The following MEGF11 variants were observed in gnomAD, a reference collection of about 807,000 sequenced individuals.
MEGF11 encodes the protein multiple epidermal growth factor-like domains protein 11.
A neutral mutation model predicts 146.6 loss-of-function variants in MEGF11; 126 were observed. The ratio of observed to expected loss-of-function variants is 0.86; its 90% CI spans 0.74 to 1.00. The LOEUF (loss-of-function observed/expected upper bound fraction) is 1.00. Ranked by LOEUF, MEGF11 falls within the 50% of genes least tolerant of loss-of-function variation. The pLI is 0.00. For synonymous variants in MEGF11, 532 were observed against 583.4 expected (o/e 0.91, Z 1.27); for missense variants, 1,509 against 1,521.2 (o/e 0.99, Z 0.13).
At chr15:66,013,117 G>T (rs1156660480) in intron 5 of MEGF11, among the ~76,000 whole-genome samples, 1 of 152,246 alleles carries the variant, frequency 6.6e-6, no homozygotes, top group African/African-American at 2.4e-5. Flanking sequence ...CCCAGGTGGG[G>T]CTGGAACTCA....
At chr15:66,127,961 C>G (rs2088452061) in intron 2 of MEGF11, among the ~76,000 whole-genome samples, 1 of 152,226 alleles carries the variant, frequency 6.6e-6, no homozygotes, top group South Asian at 2.1e-4. Flanking sequence ...CACCTGGGAC[C>G]AAAGTCCGCA....
chr15:65,973,609 C>T (rs920114836), intron 7 of MEGF11, among the ~76,000 whole-genome samples: 8 of 152,192 alleles, frequency 5.3e-5, no homozygotes, highest in South Asian at 2.1e-4. Context: ...CCAGCCTGGG[C>T]GACACAGCCA....
intron 5 of MEGF11, among the ~76,000 whole-genome samples, chr15:66,061,641 C>CCT (rs10646787): frequency 9.8e-5 from 14 of 143,306 alleles, no homozygotes; most frequent in African/African-American, 3.3e-4. Context: ...TTTTTTGAGC[C>CCT]TTTTTTTTTT....
chr15:66,123,073 G>A (rs573446518), intron 3 of MEGF11, among the ~76,000 whole-genome samples: 3 of 152,138 alleles, frequency 2.0e-5, no homozygotes, highest in East Asian at 1.9e-4. Flanking sequence ...GTGAGCCACC[G>A]TGCCTGGCCA....
intron 1 of MEGF11, among the ~76,000 whole-genome samples, chr15:66,211,385 A>T (rs552875488): frequency 6.6e-6 from 1 of 152,042 alleles, no homozygotes; most frequent in Admixed American, 6.5e-5. Flanking sequence ...TTAGCCGAGC[A>T]TGGTGGCAGG....
rs71139462 is a variant in MEGF11, at chr15:66,082,672, CAAAAAA to C, written c.394+11724_394+11729del. On this transcript the variant is annotated intron_variant, in intron 5 of 25. Transcript: ENST00000395614. ...AGCAAGATGGAGCAAGACTCTGTCT[CAAAAAA>C]AAAAAAAAAAAAGGGCGGTGCGGAG... is the stretch of plus-strand genomic sequence containing the variant. Among the ~76,000 whole-genome samples, 4 of 39,144 alleles carry C rather than the reference CAAAAAA, an allele frequency of 1.0e-4. 1 individual carries two copies. Among genetic ancestry groups the C allele is most frequent in the East Asian group, 1.9e-3 (2 of 1,032 alleles). The allele number at this position is 39,144 out of a possible 152,430, so 25.7% of individuals were successfully genotyped here.
At chr15:66,067,414 TC>T (rs1463236862) in intron 5 of MEGF11, among the ~76,000 whole-genome samples, 1 of 152,216 alleles carries the variant, frequency 6.6e-6, no homozygotes, top group Non-Finnish European at 1.5e-5. Context: ...CATTACTGTT[TC>T]CACTTTACAG....
chr15:66,005,326 C>G (rs953820230), intron 5 of MEGF11, among the ~76,000 whole-genome samples: 2 of 152,148 alleles, frequency 1.3e-5, no homozygotes, highest in African/African-American at 4.8e-5. Flanking sequence ...CTTTGTGACC[C>G]AGAGCAAATC....
intron 5 of MEGF11, chr15:66,040,095 G>A (rs1252436329): frequency 6.5e-6 from 1 of 154,960 alleles, no homozygotes; most frequent in African/African-American, 2.4e-5. Context: ...GATGTTCGCT[G>A]GGGTTTAAGA....
intron 1 of MEGF11, among the ~76,000 whole-genome samples, chr15:66,215,219 C>T (rs1352964228): frequency 6.6e-6 from 1 of 152,156 alleles, no homozygotes; most frequent in East Asian, 1.9e-4. Flanking sequence ...TACCTTCCCT[C>T]AGCCATCGCT....
intron 7 of MEGF11, among the ~76,000 whole-genome samples, chr15:65,979,778 G>A (rs2081570674): frequency 1.3e-5 from 2 of 152,212 alleles, no homozygotes; most frequent in South Asian, 4.1e-4. Context: ...CCTCACATGA[G>A]CCAGCCTCCA....
chr15:66,031,472 T>C (rs1472356411), intron 5 of MEGF11, among the ~76,000 whole-genome samples: 1 of 152,194 alleles, frequency 6.6e-6, no homozygotes, highest in African/African-American at 2.4e-5. Flanking sequence ...GCTGGGGTTC[T>C]ACCTCAATCC....
At chr15:66,225,439 G>A (rs1248674930) in intron 1 of MEGF11, among the ~76,000 whole-genome samples, 1 of 152,248 alleles carries the variant, frequency 6.6e-6, no homozygotes, top group African/African-American at 2.4e-5. Context: ...TGAGGAGCGG[G>A]GAGACCAGCG....
At chr15:66,229,568 A>G (rs768369562) in intron 1 of MEGF11, among the ~76,000 whole-genome samples, 3 of 152,236 alleles carry the variant, frequency 2.0e-5, no homozygotes, top group South Asian at 2.1e-4. Flanking sequence ...CCTACAAGTT[A>G]CAATCTGGGA....
At chr15:66,250,848 C>T (rs542307947) in intron 1 of MEGF11, among the ~76,000 whole-genome samples, 27 of 150,128 alleles carry the variant, frequency 1.8e-4, no homozygotes, top group African/African-American at 5.9e-4. Flanking sequence ...CGGAGGTTGC[C>T]GTGAGCCAAG....
At chr15:65,930,270 T>G (rs921065555) in intron 11 of MEGF11, among the ~76,000 whole-genome samples, 2 of 152,082 alleles carry the variant, frequency 1.3e-5, no homozygotes, top group African/African-American at 4.8e-5. Context: ...ACACCATTTC[T>G]CCCCTTCCCT....
intron 9 of MEGF11, among the ~76,000 whole-genome samples, chr15:65,957,941 T>TGAAGTCAACAGCAAGGA (rs1411163663): frequency 6.6e-6 from 1 of 152,188 alleles, no homozygotes; most frequent in Non-Finnish European, 1.5e-5. Flanking sequence ...ATAACTACCC[T>TGAAGTCAACAGCAAGGA]GAAGTCAACA....
Position 65,909,128 on chromosome 15 carries a change from A to T in MEGF11, c.2904T>A (p.His968Gln). The T allele has an allele frequency of 6.5e-7, 1 of 1,532,392 alleles. No homozygotes were observed. Among genetic ancestry groups the T allele is most frequent in the Non-Finnish European group, 8.7e-7 (1 of 1,143,638 alleles). 94.9% of individuals were successfully genotyped at this position (1,532,392 alleles called of 1,614,324 possible). Residue 968 changes from histidine (H) to glutamine (Q), a missense_variant, in exon 23 of 26, where the codon CAT (histidine) becomes CAA (glutamine). Transcript: ENST00000395614. ...TGGCCTCCAGGGCACTGATCTGGAA[A>T]TGGGAGTCTAGTGAGAGGAATGACA... is the stretch of plus-strand genomic sequence containing the variant. Reference protein sequence around the residue: ...PYSYVNVLDSHFQISALEARY... With the variant: ...PYSYVNVLDSQFQISALEARY...
intron 5 of MEGF11, among the ~76,000 whole-genome samples, chr15:66,087,908 A>C (rs555664357): frequency 6.6e-6 from 1 of 152,314 alleles, no homozygotes; most frequent in South Asian, 2.1e-4. Flanking sequence ...AAAGATAAAT[A>C]AAACTGACAG....
Sources: gnomAD v4.1 joint callset for allele counts (sites outside exome capture counted in the v4.1 genomes callset) on GRCh38, gnomAD v4.1.1 for gene constraint, MANE v1.5 for transcripts, NCBI Gene and HGNC (gene_info 2026-07-23, HGNC 2026-07-21) for gene names.